The following DIAPH2 variants were observed in gnomAD, a reference collection of about 807,000 sequenced individuals.
The protein encoded by DIAPH2 is protein diaphanous homolog 2.
A neutral mutation model predicts 92.7 loss-of-function variants in DIAPH2; 35 were observed. That is an observed-to-expected ratio of 0.38 (90% CI 0.29 to 0.50). The LOEUF (loss-of-function observed/expected upper bound fraction) is 0.50. Among genes scored for constraint, DIAPH2 ranks in the 20% least tolerant of loss-of-function variants. The pLI is 0.94. For missense variants in DIAPH2, 701 were observed against 819.5 expected, an observed-to-expected ratio of 0.86 and a Z score of 1.77; for synonymous variants, 301 against 280.4, an observed-to-expected ratio of 1.07 and a Z score of -0.73.
At chrX:96,756,178 T>C (rs2064227970) in intron 3 of DIAPH2, among the ~76,000 whole-genome samples, 1 of 111,644 alleles carries the variant, frequency 9.0e-6, no homozygotes, top group Non-Finnish European at 1.9e-5. Context: ...TTCATAATTT[T>C]TTTTTTGTAT....
chrX:97,316,343 A>G (rs1389684821), intron 23 of DIAPH2, among the ~76,000 whole-genome samples: 3 of 110,894 alleles, frequency 2.7e-5, no homozygotes, highest in Non-Finnish European at 5.7e-5. Flanking sequence ...GTTTAAGGCC[A>G]AAGAAATCAG....
chrX:96,827,909 C>T (rs2064825738), intron 4 of DIAPH2, among the ~76,000 whole-genome samples: 1 of 111,149 alleles, frequency 9.0e-6, no homozygotes, highest in African/African-American at 3.3e-5. Context: ...GCTGGGACTA[C>T]AGGTGCCCAC....
intron 22 of DIAPH2, among the ~76,000 whole-genome samples, chrX:97,176,679 C>T (rs905767650): frequency 9.0e-6 from 1 of 111,100 alleles, no homozygotes; most frequent in Non-Finnish European, 1.9e-5. Context: ...AGGCACCTGC[C>T]ACCATGCCCG....
At chrX:97,319,482 G>A (rs769358028) in intron 23 of DIAPH2, among the ~76,000 whole-genome samples, 17 of 108,288 alleles carry the variant, frequency 1.6e-4, no homozygotes, top group Non-Finnish European at 2.9e-4. Flanking sequence ...TCCGCCTCCC[G>A]GGTTCATGCC....
intron 24 of DIAPH2, among the ~76,000 whole-genome samples, chrX:97,368,253 G>T (rs1234177563): frequency 8.9e-6 from 1 of 111,980 alleles, no homozygotes; most frequent in Non-Finnish European, 1.9e-5. Context: ...AATAAGACTT[G>T]TTCTTTAAAT....
At chrX:97,485,614 G>A (rs1394555994) in intron 26 of DIAPH2, among the ~76,000 whole-genome samples, 2 of 112,804 alleles carry the variant, frequency 1.8e-5, no homozygotes, top group African/African-American at 3.2e-5. Context: ...TTTTGCTTGA[G>A]GTGATCACAC....
intron 17 of DIAPH2, among the ~76,000 whole-genome samples, chrX:97,042,499 G>A (rs1442149716): frequency 8.9e-6 from 1 of 111,752 alleles, no homozygotes; most frequent in Non-Finnish European, 1.9e-5. Flanking sequence ...TCCTTTGACT[G>A]TGTTACATTT....
intron 24 of DIAPH2, among the ~76,000 whole-genome samples, chrX:97,361,160 G>A (rs2069322350): frequency 9.2e-6 from 1 of 108,408 alleles, no homozygotes; most frequent in African/African-American, 3.4e-5. Flanking sequence ...CCAAAGTGTT[G>A]GAATTACAGG....
intron 14 of DIAPH2, among the ~76,000 whole-genome samples, chrX:96,947,399 A>G (rs2065744848): frequency 9.0e-6 from 1 of 111,160 alleles, no homozygotes; most frequent in Non-Finnish European, 1.9e-5. Flanking sequence ...ACAAGCTCAC[A>G]TTGGAGGATA....
intron 13 of DIAPH2, 77 bp from the exon 14 acceptor site, chrX:96,945,450 A>G: frequency 1.5e-6 from 1 of 672,138 alleles, no homozygotes; most frequent in East Asian, 3.6e-5. Context: ...TGCATTGCAG[A>G]GTTATAGGCT....
intron 24 of DIAPH2, among the ~76,000 whole-genome samples, chrX:97,376,769 G>A (rs1307251972): frequency 9.0e-6 from 1 of 111,685 alleles, no homozygotes; most frequent in African/African-American, 3.3e-5. Flanking sequence ...ACATGACAGA[G>A]TGTACTTATA....
intron 4 of DIAPH2, among the ~76,000 whole-genome samples, chrX:96,767,473 A>G (rs780799044): frequency 8.9e-6 from 1 of 111,829 alleles, no homozygotes; most frequent in Admixed American, 9.6e-5. Context: ...ATATTTTTGA[A>G]GTATATTGTT....
At chrX:97,328,332 G>T (rs759890399) in intron 23 of DIAPH2, among the ~76,000 whole-genome samples, 1 of 111,247 alleles carries the variant, frequency 9.0e-6, no homozygotes, top group Non-Finnish European at 1.9e-5. Context: ...CTACTTGGGA[G>T]GCTGAGGTTG....
chrX:97,470,864 T>C (rs1569405881), intron 26 of DIAPH2, among the ~76,000 whole-genome samples: 1 of 110,845 alleles, frequency 9.0e-6, no homozygotes. Context: ...CTTCCACATA[T>C]ATTATTTATT....
chrX:97,349,752 C>A (rs923749590), intron 24 of DIAPH2, among the ~76,000 whole-genome samples: 2 of 110,275 alleles, frequency 1.8e-5, no homozygotes, highest in Non-Finnish European at 3.8e-5. Flanking sequence ...TTTTAGCTAA[C>A]CCATAACTAG....
intron 4 of DIAPH2, 58 bp downstream of exon 4, chrX:96,758,316 T>C (rs2064245236): frequency 1.9e-6 from 2 of 1,041,772 alleles, no homozygotes; most frequent in African/African-American, 3.8e-5. Context: ...AGCATCATTT[T>C]GCTTAAAAAT....
intron 26 of DIAPH2, among the ~76,000 whole-genome samples, chrX:97,440,114 G>A (rs2070237916): frequency 9.0e-6 from 1 of 111,430 alleles, no homozygotes; most frequent in South Asian, 3.8e-4. Context: ...CCACACACTG[G>A]TATTACTTTG....
chrX:96,780,850 C>G (rs1267464701), intron 4 of DIAPH2, among the ~76,000 whole-genome samples: 6 of 108,200 alleles, frequency 5.5e-5, no homozygotes, highest in African/African-American at 2.0e-4. Flanking sequence ...TTTGCACCCC[C>G]AGGCTGGAGT....
intron 26 of DIAPH2, among the ~76,000 whole-genome samples, chrX:97,552,210 T>G (rs1330905160): frequency 1.8e-5 from 2 of 110,343 alleles, no homozygotes; most frequent in Non-Finnish European, 1.9e-5. Flanking sequence ...CCTTCATTTC[T>G]TGATGAAATA....
Sources: gnomAD v4.1 joint callset for allele counts (sites outside exome capture counted in the v4.1 genomes callset) on GRCh38, gnomAD v4.1.1 for gene constraint, MANE v1.5 for transcripts, NCBI Gene and HGNC (gene_info 2026-07-23, HGNC 2026-07-21) for gene names.